The following NUFIP1 variants were observed in gnomAD, a reference collection of about 807,000 sequenced individuals.
NUFIP1 encodes FMR1-interacting protein NUFIP1.
NUFIP1 carries 38 observed loss-of-function variants against 56.2 expected under a neutral mutation model. That is an observed-to-expected ratio of 0.68 (90% confidence interval 0.52 to 0.89). The LOEUF is 0.89. Ranked by LOEUF, NUFIP1 falls within the 40% of genes least tolerant of loss-of-function variation. NUFIP1 has a pLI of 0.00. For synonymous variants in NUFIP1, 215 were observed against 212.4 expected (o/e 1.01, Z -0.10); for missense variants, 567 against 605.8 (o/e 0.94, Z 0.67).
At chr13:44,976,458 G>GAAGAAA (rs937064532) in intron 5 of NUFIP1, among the ~76,000 whole-genome samples, 7 of 151,572 alleles carry the variant, frequency 4.6e-5, no homozygotes, top group Non-Finnish European at 1.5e-5. Flanking sequence ...GGAAGAGGAA[G>GAAGAAA]AAGAAAAAGA....
chr13:44,969,926 T>C (rs1248681563), intron 5 of NUFIP1, among the ~76,000 whole-genome samples: 1 of 152,240 alleles, frequency 6.6e-6, no homozygotes, highest in African/African-American at 2.4e-5. Context: ...TATTGTACTT[T>C]TCTTTCTGAA....
At chr13:44,957,257 G>A (rs949280370) in intron 7 of NUFIP1, among the ~76,000 whole-genome samples, 3 of 152,072 alleles carry the variant, frequency 2.0e-5, no homozygotes. Flanking sequence ...TGTTGCCCAG[G>A]CTGGAGCGCA....
At chr13:44,975,260 A>G (rs1220257962) in intron 5 of NUFIP1, among the ~76,000 whole-genome samples, 2 of 152,022 alleles carry the variant, frequency 1.3e-5, no homozygotes, top group Admixed American at 1.3e-4. Flanking sequence ...GACTCAAAAA[A>G]CTATCTCCAG....
At chr13:44,979,980 C>G (rs1368022086) in intron 3 of NUFIP1, 28 bp from the exon 4 acceptor site, 1 of 1,477,648 alleles carries the variant, frequency 6.8e-7, no homozygotes. Context: ...AAAAAAAAAA[C>G]TATTTAACAA....
intron 8 of NUFIP1, among the ~76,000 whole-genome samples, chr13:44,947,654 G>A (rs1870943654): frequency 6.6e-6 from 1 of 152,132 alleles, no homozygotes; most frequent in Non-Finnish European, 1.5e-5. Context: ...GAAGACATGA[G>A]TATAAAAATA....
intron 9 of NUFIP1, among the ~76,000 whole-genome samples, chr13:44,942,772 C>T (rs1019097236): frequency 1.2e-4 from 18 of 151,672 alleles, no homozygotes; most frequent in South Asian, 4.2e-4. Flanking sequence ...AATAAAGCCA[C>T]GAATGCACAG....
At chr13:44,968,826 C>T (rs1871705792) in intron 5 of NUFIP1, among the ~76,000 whole-genome samples, 1 of 152,184 alleles carries the variant, frequency 6.6e-6, no homozygotes, top group Non-Finnish European at 1.5e-5. Flanking sequence ...TAGGTAACTG[C>T]TTTTCATTGG....
chr13:44,957,543 C>A (rs1366762411), intron 7 of NUFIP1, among the ~76,000 whole-genome samples: 1 of 152,090 alleles, frequency 6.6e-6, no homozygotes, highest in African/African-American at 2.4e-5. Flanking sequence ...TCCTCAGAAT[C>A]CAACTGAATT....
At chr13:44,948,853 C>T (rs898782807) in intron 8 of NUFIP1, among the ~76,000 whole-genome samples, 1 of 152,222 alleles carries the variant, frequency 6.6e-6, no homozygotes, top group Non-Finnish European at 1.5e-5. Context: ...CTGAAAGTTA[C>T]TGACTTCTCA....
intron 1 of NUFIP1, among the ~76,000 whole-genome samples, chr13:44,985,825 T>TTCAA (rs1872368700): frequency 6.6e-6 from 1 of 152,156 alleles, no homozygotes; most frequent in African/African-American, 2.4e-5. Flanking sequence ...TCTCTAAGTG[T>TTCAA]TCAAGCAAAA....
chr13:44,983,279 G>A (rs945461512), intron 1 of NUFIP1, among the ~76,000 whole-genome samples: 2 of 152,084 alleles, frequency 1.3e-5, no homozygotes, highest in South Asian at 4.1e-4. Context: ...AGGTTCAAGC[G>A]ATTCTCCTGC....
intron 6 of NUFIP1, among the ~76,000 whole-genome samples, chr13:44,961,914 A>C (rs902660854): frequency 6.6e-6 from 1 of 152,244 alleles, no homozygotes; most frequent in Non-Finnish European, 1.5e-5. Flanking sequence ...TTAATTGAGA[A>C]AGTAGTGTAT....
intron 1 of NUFIP1, among the ~76,000 whole-genome samples, chr13:44,987,583 C>CA (rs901058634): frequency 1.5e-4 from 22 of 148,094 alleles, no homozygotes; most frequent in Admixed American, 6.0e-4. Context: ...AACGGAAAAC[C>CA]AAAAAAAAAA....
intron 1 of NUFIP1, 40 bp from the exon 2 acceptor site, chr13:44,982,194 ATTAT>A (rs1411592718): frequency 1.0e-6 from 1 of 956,768 alleles, no homozygotes; most frequent in Non-Finnish European, 1.5e-6. Context: ...CAACAATGTA[ATTAT>A]TTAAATTATA....
At chr13:44,980,667 C>T in intron 3 of NUFIP1, 55 bp downstream of exon 3, 1 of 1,134,576 alleles carries the variant, frequency 8.8e-7, no homozygotes, top group Non-Finnish European at 1.3e-6. Context: ...ACCAAATATA[C>T]AGATAGAAGA....
At position 44,940,334 on chromosome 13, in the gene NUFIP1, C is replaced by G. The variant is rs1381371983; in HGVS notation, c.*872G>C. On this transcript the variant is annotated 3_prime_UTR_variant, in exon 10 of 10. Coordinates refer to ENST00000379161, the MANE Select transcript of NUFIP1 (RefSeq NM_012345.3). ...GATTTTACCAACATGGAGGAGCTAT[C>G]AGCTTTCTTACCTTTCTTCCTTGAC... 6 of 152,210 alleles carry G rather than the reference C, an allele frequency of 3.9e-5. No homozygotes were observed. Among genetic ancestry groups the G allele is most frequent in the Non-Finnish European group, 8.8e-5 (6 of 68,030 alleles). 9.4% of individuals were successfully genotyped at this position (152,210 alleles called of 1,614,324 possible).
intron 5 of NUFIP1, among the ~76,000 whole-genome samples, chr13:44,974,464 AGAG>A: frequency 6.6e-6 from 1 of 152,370 alleles, no homozygotes; most frequent in South Asian, 2.1e-4. Context: ...ACGGATGGAA[AGAG>A]GAGTATGTCC....
Position 44,959,473 on chromosome 13 carries a change from G to C in NUFIP1, c.929C>G (p.Thr310Ser), listed in dbSNP as rs1223140048. 3.7e-6 allele frequency: 6 copies of C among 1,614,140 alleles called. No individual in the cohort carries two copies. Among genetic ancestry groups the C allele is most frequent in the Non-Finnish European group, 5.1e-6 (6 of 1,180,010 alleles). ...KNDNSRQRAV[T>S]GSGSHLCDLK... ...ATCACACAAGTGACTGCCTGATCCA[G>C]TGACTGCTCTCTGTCTAGAATTGTC... The change falls in exon 7 of 10, where the codon ACT (threonine) becomes AGT (serine). Residue 310 changes from threonine (T) to serine (S), a missense_variant. Physicochemically the swap from Thr to Ser is moderately conservative, Grantham distance 58 (BLOSUM62 1). Transcript: ENST00000379161.
intron 8 of NUFIP1, among the ~76,000 whole-genome samples, chr13:44,946,399 C>T (rs1870902809): frequency 1.3e-5 from 2 of 152,086 alleles, no homozygotes; most frequent in Non-Finnish European, 2.9e-5. Flanking sequence ...CCATTATAGC[C>T]AAATCAGTTT....
Sources: allele counts gnomAD v4.1 joint callset (sites outside exome capture counted in the v4.1 genomes callset), GRCh38; gene constraint gnomAD v4.1.1; transcripts MANE v1.5; gene names NCBI Gene and HGNC (gene_info 2026-07-23, HGNC 2026-07-21).